The following KLF12 variants were observed in gnomAD, a reference collection of about 807,000 sequenced individuals.
KLF12 encodes the protein Krueppel-like factor 12.
A neutral mutation model predicts 37.8 loss-of-function variants in KLF12; 9 were observed. The observed-to-expected ratio is 0.24, with a 90% CI of 0.14 to 0.42. The LOEUF is 0.42. KLF12 is among the 10% of genes least tolerant of loss of function. The pLI, the probability that KLF12 is intolerant of heterozygous loss-of-function variation, is 1.00. For missense variants in KLF12, 411 were observed against 516.0 expected (o/e 0.80, Z 1.97); for synonymous variants, 208 against 202.1 (o/e 1.03, Z -0.25).
At chr13:73,849,100 A>G (rs1885178966) in intron 3 of KLF12, among the ~76,000 whole-genome samples, 1 of 152,168 alleles carries the variant, frequency 6.6e-6, no homozygotes, top group Admixed American at 6.6e-5. Flanking sequence ...TACTGCAAAA[A>G]TATGGTCTCA....
At chr13:74,102,047 G>C (rs1403052557) in intron 1 of KLF12, among the ~76,000 whole-genome samples, 3 of 151,684 alleles carry the variant, frequency 2.0e-5, no homozygotes, top group Non-Finnish European at 1.5e-5. Flanking sequence ...GTGAAACCCT[G>C]TCTCTACTAA....
At chr13:73,894,738 G>T (rs916918880) in intron 3 of KLF12, among the ~76,000 whole-genome samples, 5 of 151,990 alleles carry the variant, frequency 3.3e-5, no homozygotes, top group Admixed American at 2.0e-4. Flanking sequence ...GGAGGTTGTT[G>T]GCTTATCTTC....
intron 1 of KLF12, among the ~76,000 whole-genome samples, chr13:74,088,591 C>T (rs149470559): frequency 2.6e-5 from 4 of 152,238 alleles, no homozygotes; most frequent in Admixed American, 6.5e-5. Flanking sequence ...ATTCAGAAAT[C>T]AATATATGGT....
At chr13:74,175,257 G>A in the KLF12 span, among the ~76,000 whole-genome samples, 1 of 152,158 alleles carries the variant, frequency 6.6e-6, no homozygotes, top group Non-Finnish European at 1.5e-5. Flanking sequence ...TGAGGATATG[G>A]CATTTGTTTC....
chr13:74,003,597 G>T (rs568260869), intron 1 of KLF12, among the ~76,000 whole-genome samples: 1 of 152,178 alleles, frequency 6.6e-6, no homozygotes, highest in Non-Finnish European at 1.5e-5. Context: ...ATAATTTCAA[G>T]AATTTTATGA....
the KLF12 span, among the ~76,000 whole-genome samples, chr13:74,206,211 C>T: frequency 6.6e-6 from 1 of 151,994 alleles, no homozygotes; most frequent in Non-Finnish European, 1.5e-5. Context: ...ATTTTAGAAT[C>T]CATTAAAAAA....
intron 3 of KLF12, among the ~76,000 whole-genome samples, chr13:73,920,768 G>A (rs912876532): frequency 6.6e-6 from 1 of 151,754 alleles, no homozygotes; most frequent in African/African-American, 2.4e-5. Context: ...CTCCTGTTGG[G>A]GTTCAGAAAA....
At chr13:73,774,984 C>A (rs1240334723) in intron 5 of KLF12, among the ~76,000 whole-genome samples, 5 of 148,416 alleles carry the variant, frequency 3.4e-5, no homozygotes, top group African/African-American at 1.2e-4. Flanking sequence ...ATGGCACGAT[C>A]TCAGCTCACT....
At chr13:73,934,808 T>C (rs1286843298) in intron 3 of KLF12, among the ~76,000 whole-genome samples, 1 of 151,988 alleles carries the variant, frequency 6.6e-6, no homozygotes, top group Non-Finnish European at 1.5e-5. Context: ...TTTTTTCTGA[T>C]CTCCCTCTTC....
chr13:73,807,875 C>A (rs1449179011), intron 5 of KLF12, among the ~76,000 whole-genome samples: 1 of 152,174 alleles, frequency 6.6e-6, no homozygotes, highest in Non-Finnish European at 1.5e-5. Flanking sequence ...AGAAATTCCT[C>A]CAGGGAGTGC....
chr13:74,197,876 G>A, the KLF12 span, among the ~76,000 whole-genome samples: 1 of 152,006 alleles, frequency 6.6e-6, no homozygotes, highest in East Asian at 1.9e-4. Flanking sequence ...GAGGAGGGTG[G>A]ATACCATCTG....
the KLF12 span, among the ~76,000 whole-genome samples, chr13:74,141,420 T>G: frequency 6.6e-6 from 1 of 151,916 alleles, no homozygotes. Context: ...TAAAATAAAA[T>G]GAAAATAAGA....
At chr13:73,746,106 G>A (rs902236894) in intron 6 of KLF12, among the ~76,000 whole-genome samples, 2 of 151,156 alleles carry the variant, frequency 1.3e-5, no homozygotes, top group Admixed American at 1.3e-4. Context: ...ACAGTTAGAA[G>A]TGTGTATATG....
At chr13:73,991,843 T>C (rs1023490833) in intron 2 of KLF12, among the ~76,000 whole-genome samples, 1 of 152,250 alleles carries the variant, frequency 6.6e-6, no homozygotes. Context: ...ACAATCCCTC[T>C]ATCCTGTGCG....
intron 3 of KLF12, among the ~76,000 whole-genome samples, chr13:73,865,927 A>G (rs1001137487): frequency 2.0e-5 from 3 of 152,168 alleles, no homozygotes; most frequent in African/African-American, 7.2e-5. Context: ...AAAAATGAGA[A>G]CGTAGTTCAA....
At chr13:74,001,794 A>G (rs947340181) in intron 1 of KLF12, among the ~76,000 whole-genome samples, 3 of 152,262 alleles carry the variant, frequency 2.0e-5, no homozygotes, top group Admixed American at 2.0e-4. Context: ...ACATTCCATC[A>G]AACTGTGAAA....
At chr13:73,900,220 A>G (rs1887978648) in intron 3 of KLF12, among the ~76,000 whole-genome samples, 1 of 152,216 alleles carries the variant, frequency 6.6e-6, no homozygotes, top group African/African-American at 2.4e-5. Context: ...CATACAAGAA[A>G]ATTAAATTAT....
In KLF12 at chr13:73,695,436, T is replaced by C. The variant is rs997326687; in HGVS notation, c.*54A>G. ...GTGAAGGGGATTCAGCCCTGCTGAA[T>C]TGGGTGCCGCTAAGAGATCCAGCTC... On this transcript the variant is annotated 3_prime_UTR_variant, in exon 8 of 8. Coordinates refer to ENST00000377669, the MANE Select transcript of KLF12 (RefSeq NM_007249.5). 31 of 1,565,402 alleles carry C rather than the reference T, an allele frequency of 2.0e-5. 1 individual carries two copies. The highest frequency in any genetic ancestry group is 1.3e-4 in the Admixed American group (8 of 59,458).
upstream of KLF12, among the ~76,000 whole-genome samples, chr13:74,135,534 C>T: frequency 6.6e-6 from 1 of 150,942 alleles, no homozygotes; most frequent in Non-Finnish European, 1.5e-5. Flanking sequence ...TCGGAGGGCG[C>T]GGGGTCAGCG....
Sources: gnomAD v4.1 joint callset for allele counts (sites outside exome capture counted in the v4.1 genomes callset) on GRCh38, gnomAD v4.1.1 for gene constraint, MANE v1.5 for transcripts, NCBI Gene and HGNC (gene_info 2026-07-23, HGNC 2026-07-21) for gene names.